Variants in PPP1R14C observed in about 807,000 individuals in gnomAD.
The protein encoded by PPP1R14C is protein phosphatase 1 regulatory subunit 14C.
In PPP1R14C, 16 loss-of-function variants were observed where a neutral mutation model predicts 20.4. That is an observed-to-expected ratio of 0.78 (90% CI 0.53 to 1.19). The LOEUF (loss-of-function observed/expected upper bound fraction) is 1.19, where lower values mean the gene tolerates loss of function less well. Ranked by LOEUF, PPP1R14C falls within the 50% of genes most tolerant of loss-of-function variation. PPP1R14C has a pLI of 0.00. For missense variants in PPP1R14C, 211 were observed against 220.1 expected, an observed-to-expected ratio of 0.96 and a Z score of 0.26; for synonymous variants, 91 against 91.0, an observed-to-expected ratio of 1.00 and a Z score of 0.00.
rs191454959 is a variant in PPP1R14C, at chr6:150,170,739, G to A, written c.306+27241G>A. 3.1e-4 allele frequency among the ~76,000 whole-genome samples: 46 copies of A among 150,060 alleles called. 1 individual carries two copies. The highest frequency in any genetic ancestry group is 2.1e-4 in the South Asian group (1 of 4,734). Reference sequence around the variant, plus strand: ...GAGAGAGAAGAGTGATACGTGATGAGGTTAGAAGAAACAGAGCCTTGTAGG... The same window carrying A: ...GAGAGAGAAGAGTGATACGTGATGAAGTTAGAAGAAACAGAGCCTTGTAGG... On this transcript the variant is annotated intron_variant, in intron 1 of 3. Coordinates refer to ENST00000361131, the MANE Select transcript of PPP1R14C (RefSeq NM_030949.3).
intron 1 of PPP1R14C, among the ~76,000 whole-genome samples, chr6:150,154,000 A>AGAAGAATG (rs1236234045): frequency 6.6e-6 from 1 of 152,244 alleles, no homozygotes; most frequent in Non-Finnish European, 1.5e-5. Flanking sequence ...ACATTATGGC[A>AGAAGAATG]GAAGAATGGA....
At chr6:150,226,955 C>T (rs1222247872) in intron 3 of PPP1R14C, among the ~76,000 whole-genome samples, 1 of 152,184 alleles carries the variant, frequency 6.6e-6, no homozygotes, top group African/African-American at 2.4e-5. Context: ...TTCTAAAAGG[C>T]AGGCCTGCTC....
intron 1 of PPP1R14C, among the ~76,000 whole-genome samples, chr6:150,149,648 C>T (rs944832230): frequency 6.6e-6 from 1 of 151,898 alleles, no homozygotes; most frequent in Non-Finnish European, 1.5e-5. Flanking sequence ...GCAGGGCTGT[C>T]AGGAGGACTG....
At chr6:150,229,758 C>G (rs1778271755) in intron 3 of PPP1R14C, among the ~76,000 whole-genome samples, 1 of 152,110 alleles carries the variant, frequency 6.6e-6, no homozygotes, top group Non-Finnish European at 1.5e-5. Context: ...ACAACAGCAG[C>G]CACAAACCCT....
intron 1 of PPP1R14C, among the ~76,000 whole-genome samples, chr6:150,184,888 C>T (rs1207294765): frequency 5.3e-5 from 8 of 152,156 alleles, no homozygotes; most frequent in Admixed American, 2.0e-4. Flanking sequence ...CATGGGTAGC[C>T]GTATAGCCTG....
chr6:150,144,257 C>T (rs1397627934), intron 1 of PPP1R14C, among the ~76,000 whole-genome samples: 1 of 152,234 alleles, frequency 6.6e-6, no homozygotes, highest in African/African-American at 2.4e-5. Context: ...ATCCCGGGAT[C>T]TGTCAGCTTC....
chr6:150,206,825 G>C (rs550419116), intron 1 of PPP1R14C, among the ~76,000 whole-genome samples: 23 of 151,816 alleles, frequency 1.5e-4, no homozygotes, highest in Non-Finnish European at 2.4e-4. Flanking sequence ...ATGGAGTCAG[G>C]TTCAGTCAGG....
At chr6:150,170,020 A>G (rs764875928) in intron 1 of PPP1R14C, among the ~76,000 whole-genome samples, 6 of 152,220 alleles carry the variant, frequency 3.9e-5, no homozygotes, top group Admixed American at 2.0e-4. Flanking sequence ...AAACATCTCA[A>G]TACGATCAGG....
intron 1 of PPP1R14C, among the ~76,000 whole-genome samples, chr6:150,208,343 C>T (rs532939804): frequency 7.2e-5 from 11 of 152,250 alleles, no homozygotes; most frequent in East Asian, 3.9e-4. Context: ...CCATGTGTGG[C>T]CTGGTTTTCT....
chr6:150,193,574 G>A (rs1019354092), intron 1 of PPP1R14C, among the ~76,000 whole-genome samples: 2 of 145,364 alleles, frequency 1.4e-5, no homozygotes, highest in Non-Finnish European at 3.0e-5. Context: ...CAGATAATGA[G>A]TAAATGCTGA....
intron 1 of PPP1R14C, among the ~76,000 whole-genome samples, chr6:150,187,245 CTCTGTGTG>C (rs1438808677): frequency 0.011 from 1,204 of 110,972 alleles, 14 homozygotes; most frequent in African/African-American, 0.037. Context: ...CTTTCTCTTT[CTCTGTGTG>C]TGTGTGTGTG....
Position 150,248,852 on chromosome 6 carries a change from G to A in PPP1R14C, c.*32G>A, listed in dbSNP as rs776682081. 1.4e-5 allele frequency: 20 copies of A among 1,426,202 alleles called. No homozygotes were observed. In the Admixed American group the frequency reaches 1.9e-4, roughly 13 times the overall value. 88.3% of individuals were successfully genotyped at this position (1,426,202 alleles called of 1,614,324 possible). A position where few individuals can be genotyped will look rare whatever the true frequency, so the allele number is the denominator to read the frequency against. ...AACAGGGTGAAACTCTCCCAGAGAC[G>A]AAGAAAGAGTCCTGGGATTTGTACT... On this transcript the variant is annotated 3_prime_UTR_variant, in exon 4 of 4. Coordinates refer to ENST00000361131, the MANE Select transcript of PPP1R14C (RefSeq NM_030949.3).
At chr6:150,188,001 A>G (rs1385050800) in intron 1 of PPP1R14C, among the ~76,000 whole-genome samples, 2 of 152,200 alleles carry the variant, frequency 1.3e-5, no homozygotes, top group South Asian at 2.1e-4. Context: ...ATCCTTTTCA[A>G]TATTTTTTCA....
intron 1 of PPP1R14C, among the ~76,000 whole-genome samples, chr6:150,198,208 G>A (rs1313972691): frequency 3.7e-4 from 53 of 144,962 alleles, no homozygotes; most frequent in African/African-American, 1.3e-3. Context: ...TGGCCGCCAC[G>A]GTGGAGGAGG....
chr6:150,242,324 G>T (rs1414362131), intron 3 of PPP1R14C, among the ~76,000 whole-genome samples: 3 of 40,246 alleles, frequency 7.5e-5, no homozygotes, highest in East Asian at 7.0e-4. Flanking sequence ...TACAAGAAAA[G>T]AAATGTACAG....
chr6:150,161,723 G>T (rs1298184471), intron 1 of PPP1R14C, among the ~76,000 whole-genome samples: 2 of 152,188 alleles, frequency 1.3e-5, no homozygotes, highest in African/African-American at 4.8e-5. Context: ...TTTTACATTT[G>T]ATTTTAACAG....
chr6:150,205,684 T>C (rs2114902049), intron 1 of PPP1R14C, among the ~76,000 whole-genome samples: 1 of 151,796 alleles, frequency 6.6e-6, no homozygotes, highest in African/African-American at 2.4e-5. Flanking sequence ...TCTCAGCTAC[T>C]TGGGAGGCTG....
chr6:150,146,091 A>G (rs907788390), intron 1 of PPP1R14C, among the ~76,000 whole-genome samples: 1 of 152,204 alleles, frequency 6.6e-6, no homozygotes, highest in Admixed American at 6.5e-5. Flanking sequence ...GGAATTTATT[A>G]CCTACCTACT....
At chr6:150,228,139 A>T (rs561961247) in intron 3 of PPP1R14C, among the ~76,000 whole-genome samples, 1 of 152,352 alleles carries the variant, frequency 6.6e-6, no homozygotes, top group African/African-American at 2.4e-5. Flanking sequence ...TAAATTGAGG[A>T]AAATCAACCC....
Sources: allele counts gnomAD v4.1 joint callset (sites outside exome capture counted in the v4.1 genomes callset), GRCh38; gene constraint gnomAD v4.1.1; transcripts MANE v1.5; gene names NCBI Gene and HGNC (gene_info 2026-07-23, HGNC 2026-07-21).